Variants in MAP3K7CL observed in about 807,000 individuals in gnomAD.
MAP3K7CL encodes the protein MAP3K7 C-terminal-like protein.
A neutral mutation model predicts 18.6 loss-of-function variants in MAP3K7CL; 16 were observed. The ratio of observed to expected loss-of-function variants is 0.86; its 90% confidence interval spans 0.58 to 1.31. The LOEUF (loss-of-function observed/expected upper bound fraction) is 1.31. Among genes scored for constraint, MAP3K7CL ranks in the 50% most tolerant of loss-of-function variants. The probability of loss-of-function intolerance (pLI) is 0.00; values close to 1 mark genes in which losing one functional copy is unlikely to be tolerated. For missense variants in MAP3K7CL, 163 were observed against 174.4 expected (o/e 0.93, Z 0.37); for synonymous variants, 65 against 66.8 (o/e 0.97, Z 0.13).
At chr21:29,136,898 ATT>A (rs2086897744) in intron 2 of MAP3K7CL, among the ~76,000 whole-genome samples, 1 of 152,136 alleles carries the variant, frequency 6.6e-6, no homozygotes, top group Non-Finnish European at 1.5e-5. Context: ...TCCTGAGATG[ATT>A]TAGTGTAGAG....
chr21:29,092,268 C>A, intron 3 of MAP3K7CL: 1 of 681,400 alleles, frequency 1.5e-6, no homozygotes, highest in Non-Finnish European at 2.4e-6. Flanking sequence ...AAGCCCAGTG[C>A]TCTTTCCCCT....
upstream of MAP3K7CL, chr21:29,085,769 T>A (rs1029149971): frequency 7.8e-7 from 1 of 1,277,506 alleles, no homozygotes; most frequent in Middle Eastern, 1.9e-4. Flanking sequence ...GAAGGAATGT[T>A]GCGATGGCTT....
At chr21:29,112,577 T>C (rs2086437164) in intron 4 of MAP3K7CL, among the ~76,000 whole-genome samples, 1 of 152,062 alleles carries the variant, frequency 6.6e-6, no homozygotes, top group Non-Finnish European at 1.5e-5. Flanking sequence ...TTTTTCCCTT[T>C]CTTTGGTAGG....
intron 2 of MAP3K7CL, among the ~76,000 whole-genome samples, chr21:29,137,236 G>C (rs1314949093): frequency 1.3e-5 from 2 of 152,204 alleles, no homozygotes; most frequent in Non-Finnish European, 1.5e-5. Flanking sequence ...CTGACCTGCA[G>C]TTATTTAGGG....
chr21:29,112,376 C>A (rs181994601), intron 4 of MAP3K7CL, among the ~76,000 whole-genome samples: 121 of 152,194 alleles, frequency 8.0e-4, no homozygotes, highest in Non-Finnish European at 1.6e-3. Context: ...TAGATGCACT[C>A]TTCAATCCTT....
intron 4 of MAP3K7CL, among the ~76,000 whole-genome samples, chr21:29,163,391 T>C (rs192623762): frequency 6.6e-6 from 1 of 152,332 alleles, no homozygotes; most frequent in East Asian, 1.9e-4. Context: ...CTCAAGTTCC[T>C]TTTTCTTCAT....
At position 29,130,684 on chromosome 21, in the gene MAP3K7CL, G is replaced by C. The variant is rs1225408223; in HGVS notation, c.-279G>C. On this transcript the variant is annotated 5_prime_UTR_variant, in exon 1 of 5. Transcript: ENST00000399928. ...GTTAGAGAGGCAAGGAAAGGAGAGA[G>C]GGGTTGTGAAGGGAAGCGGAAGGGA... The C allele has an allele frequency of 3.0e-6, 3 of 985,438 alleles. No individual in the cohort carries two copies. Among genetic ancestry groups the C allele is most frequent in the Admixed American group, 1.2e-4 (2 of 16,270 alleles). 61.0% of individuals were successfully genotyped at this position (985,438 alleles called of 1,614,324 possible).
At chr21:29,145,140 A>T (rs903441568) in intron 2 of MAP3K7CL, among the ~76,000 whole-genome samples, 1 of 152,240 alleles carries the variant, frequency 6.6e-6, no homozygotes, top group African/African-American at 2.4e-5. Context: ...TCCTTAATGC[A>T]TTAAAAATAT....
intron 4 of MAP3K7CL, among the ~76,000 whole-genome samples, chr21:29,107,188 C>T (rs962421359): frequency 1.3e-5 from 2 of 152,052 alleles, no homozygotes; most frequent in Non-Finnish European, 2.9e-5. Context: ...TGGTGGTGGA[C>T]ACCTGTAATC....
intron 2 of MAP3K7CL, among the ~76,000 whole-genome samples, chr21:29,146,163 G>T (rs1164007243): frequency 6.6e-6 from 1 of 152,010 alleles, no homozygotes; most frequent in African/African-American, 2.4e-5. Context: ...CTGTCTTCTA[G>T]AATTCTAGAA....
intron 4 of MAP3K7CL, among the ~76,000 whole-genome samples, chr21:29,105,348 C>T (rs2086302517): frequency 6.6e-6 from 1 of 152,218 alleles, no homozygotes; most frequent in South Asian, 2.1e-4. Flanking sequence ...TGATTCTGCC[C>T]TGCCTTCTTC....
At chr21:29,162,004 TCTGA>T (rs1026154787) in intron 4 of MAP3K7CL, among the ~76,000 whole-genome samples, 32 of 152,224 alleles carry the variant, frequency 2.1e-4, no homozygotes, top group Non-Finnish European at 2.9e-5. Context: ...CTCTTCCATG[TCTGA>T]CTATTTTCTT....
intron 2 of MAP3K7CL, among the ~76,000 whole-genome samples, chr21:29,139,004 T>A (rs1184331016): frequency 1.3e-5 from 2 of 152,210 alleles, no homozygotes; most frequent in Non-Finnish European, 2.9e-5. Flanking sequence ...ATTTTTTATA[T>A]CTGGATATGA....
chr21:29,111,379 G>A (rs1288792176), intron 4 of MAP3K7CL, among the ~76,000 whole-genome samples: 2 of 152,128 alleles, frequency 1.3e-5, no homozygotes, highest in Non-Finnish European at 2.9e-5. Flanking sequence ...TGGTGTTCTG[G>A]GTGTGTCAGG....
At position 29,133,413 on chromosome 21, in the gene MAP3K7CL, A is replaced by G; in HGVS notation, c.69A>G (p.Ser23=). The change falls in exon 2 of 5, where the codon TCA becomes TCG. Residue 23 remains serine (S), a splice_region_variant and synonymous_variant. Transcript: ENST00000399928. ...TCGCCTTTAGCCTCAATGACGCCTCAGGTATACTCTGCTCTGGAAGAAGGA... is the reference window on the plus strand; with the variant it reads ...TCGCCTTTAGCCTCAATGACGCCTCGGGTATACTCTGCTCTGGAAGAAGGA... ...VRIAFSLNDA[S]DDTPPEDSIP... is the part of the protein sequence containing the mutation. 1 of 1,540,960 alleles carries G rather than the reference A, an allele frequency of 6.5e-7. No individual in the cohort carries two copies. The highest frequency in any genetic ancestry group is 1.4e-5 in the African/African-American group (1 of 73,028).
rs142307928 is a variant in MAP3K7CL at position 29,121,739 on chromosome 21, T to G, written c.371-27450T>G. Among the ~76,000 whole-genome samples, 24 of 151,910 alleles carry G rather than the reference T, an allele frequency of 1.6e-4. No individual in the cohort carries two copies. The East Asian group carries it at 4.6e-3, about 29-fold the overall frequency. ...ATATGACCTTAACATTGAAGCTTAT[T>G]TGAGAAATGTCTGAAGGGTACTTAG... On this transcript the variant is annotated intron_variant, in intron 4 of 6. Coordinates refer to the MAP3K7CL transcript ENST00000286791.
At chr21:29,173,689 G>C (rs545471865) in intron 4 of MAP3K7CL, among the ~76,000 whole-genome samples, 1 of 152,260 alleles carries the variant, frequency 6.6e-6, no homozygotes, top group East Asian at 1.9e-4. Flanking sequence ...ATGGACTGAA[G>C]ATCTTTAGCT....
intron 4 of MAP3K7CL, among the ~76,000 whole-genome samples, chr21:29,101,875 C>G (rs1037727435): frequency 2.0e-5 from 3 of 152,128 alleles, no homozygotes; most frequent in Non-Finnish European, 2.9e-5. Context: ...TAGTGACTTA[C>G]TTTCATTCAT....
chr21:29,085,545 T>TAAA (rs33938293), upstream of MAP3K7CL, among the ~76,000 whole-genome samples: 7 of 48,972 alleles, frequency 1.4e-4, no homozygotes, highest in African/African-American at 2.4e-4. Flanking sequence ...AGACTCTGTC[T>TAAA]AAAAAAAAAA....
Sources: allele counts gnomAD v4.1 joint callset (sites outside exome capture counted in the v4.1 genomes callset), GRCh38; gene constraint gnomAD v4.1.1; transcripts MANE v1.5; gene names NCBI Gene and HGNC (gene_info 2026-07-23, HGNC 2026-07-21).